EGFR: variants seen among roughly 807,000 people sequenced by gnomAD.
The protein encoded by EGFR is epidermal growth factor receptor.
Under a neutral mutation model 143.0 loss-of-function variants are expected in EGFR, and 58 were observed. That is an observed-to-expected ratio of 0.41 (90% CI 0.33 to 0.50). The LOEUF (loss-of-function observed/expected upper bound fraction) is 0.50. Ranked by LOEUF, EGFR falls within the 20% of genes least tolerant of loss-of-function variation. The probability of loss-of-function intolerance (pLI) is 0.39; values close to 1 mark genes in which losing one functional copy is unlikely to be tolerated. For synonymous variants in EGFR, 613 were observed against 594.4 expected (o/e 1.03, Z -0.45); for missense variants, 1,307 against 1,579.0 (o/e 0.83, Z 2.92).
At position 55,206,000 on chromosome 7, in the gene EGFR, A is replaced by T. The variant is rs1436822158; in HGVS notation, c.*383A>T. On this transcript the variant is annotated 3_prime_UTR_variant, in exon 28 of 28. Transcript: ENST00000275493. ...ACTTCAATGGGCTCTTCCAACAAGGAAGAAGCTTGCTGGTAGCACTTGCTA... is the reference window on the plus strand; with the variant it reads ...ACTTCAATGGGCTCTTCCAACAAGGTAGAAGCTTGCTGGTAGCACTTGCTA... The T allele has an allele frequency of 2.6e-6, 1 of 386,810 alleles. No individual in the cohort carries two copies. Among genetic ancestry groups the T allele is most frequent in the Non-Finnish European group, 4.8e-6 (1 of 210,206 alleles). 24.0% of individuals were successfully genotyped at this position (386,810 alleles called of 1,614,324 possible). A position where few individuals can be genotyped will look rare whatever the true frequency, so the allele number is the denominator to read the frequency against.
At chr7:55,156,456 TC>T in intron 8 of EGFR, 76 bp from the exon 9 acceptor site, 1 of 1,600,428 alleles carries the variant, frequency 6.2e-7, no homozygotes, top group Non-Finnish European at 8.5e-7. Flanking sequence ...CCTTCCTGCT[TC>T]CCTCTGCCTG....
intron 1 of EGFR, among the ~76,000 whole-genome samples, chr7:55,022,704 G>A (rs6954028): frequency 0.017 from 2,650 of 152,310 alleles, 64 homozygotes; most frequent in African/African-American, 0.059. Flanking sequence ...CCACACTGCC[G>A]TAGCACAGAA....
chr7:55,085,605 ACTC>A (rs1196578941), intron 1 of EGFR, among the ~76,000 whole-genome samples: 1 of 152,052 alleles, frequency 6.6e-6, no homozygotes, highest in Non-Finnish European at 1.5e-5. Context: ...CTTTCTGAAA[ACTC>A]CTGCTGAAGT....
In EGFR at chr7:55,166,982, GTGA is replaced by G. The variant is rs1262608062; in HGVS notation, c.1880+1555_1880+1557del. 5.9e-5 allele frequency among the ~76,000 whole-genome samples: 8 copies of G among 135,884 alleles called. 1 individual carries two copies. Among genetic ancestry groups the G allele is most frequent in the African/African-American group, 2.3e-4 (8 of 34,702 alleles). 89.1% of individuals were successfully genotyped at this position (135,884 alleles called of 152,430 possible). ...AGTCACAATGGTGGTGATGAGGGTG[GTGA>G]TGATGATGAGGAGGTGGGAGTCACA... On this transcript the variant is annotated intron_variant, in intron 15 of 27. Coordinates refer to ENST00000275493, the MANE Select transcript of EGFR (RefSeq NM_005228.5).
chr7:55,058,789 C>T (rs1322634683), intron 1 of EGFR, among the ~76,000 whole-genome samples: 1 of 152,066 alleles, frequency 6.6e-6, no homozygotes, highest in African/African-American at 2.4e-5. Context: ...TACTATGACA[C>T]AAGTTTACCT....
chr7:55,205,545 T>TA lies in EGFR; in HGVS notation c.3563dup (p.Ser1190LeufsTer4). On this transcript the variant is annotated frameshift_variant, in exon 28 of 28. Transcript: ENST00000275493. LOFTEE classifies it high-confidence loss of function. ...AGGAAGCCAAGCCAAATGGCATCTTTAAGGGCTCCACAGCTGAAAATGCAG... is the reference window on the plus strand; with the variant it reads ...AGGAAGCCAAGCCAAATGGCATCTTTAAAGGGCTCCACAGCTGAAAATGCAG... The TA allele has an allele frequency of 1.2e-6, 2 of 1,614,178 alleles. No homozygotes were observed. The highest frequency in any genetic ancestry group is 1.7e-6 in the Non-Finnish European group (2 of 1,180,040).
chr7:55,189,425 A>ATCTT (rs1787289795), intron 20 of EGFR, among the ~76,000 whole-genome samples: 1 of 151,598 alleles, frequency 6.6e-6, no homozygotes. Flanking sequence ...CAGTCATTCA[A>ATCTT]TCATTCATTC....
chr7:55,182,664 C>T (rs758838162), intron 20 of EGFR, among the ~76,000 whole-genome samples: 1 of 152,200 alleles, frequency 6.6e-6, no homozygotes, highest in South Asian at 2.1e-4. Flanking sequence ...ACACCCTGCA[C>T]AGCCCCTTTT....
intron 4 of EGFR, among the ~76,000 whole-genome samples, chr7:55,150,649 T>C (rs1451964344): frequency 6.6e-6 from 1 of 152,120 alleles, no homozygotes; most frequent in African/African-American, 2.4e-5. Context: ...TCAATACTGA[T>C]AAAAAGAAAA....
chr7:55,111,610 G>C (rs761257328), intron 1 of EGFR, among the ~76,000 whole-genome samples: 5 of 152,188 alleles, frequency 3.3e-5, no homozygotes, highest in African/African-American at 4.8e-5. Flanking sequence ...TCCTGGACTT[G>C]ATATGTAGCA....
At chr7:55,126,572 G>A (rs1376174802) in intron 1 of EGFR, among the ~76,000 whole-genome samples, 1 of 152,134 alleles carries the variant, frequency 6.6e-6, no homozygotes, top group Middle Eastern at 3.2e-3. Flanking sequence ...GACCATGCCA[G>A]GTGCCCCCAC....
At chr7:55,057,903 A>G (rs1788924365) in intron 1 of EGFR, among the ~76,000 whole-genome samples, 1 of 152,240 alleles carries the variant, frequency 6.6e-6, no homozygotes, top group Admixed American at 6.5e-5. Context: ...TCATCTCACA[A>G]AAGCAACGTG....
At chr7:55,110,210 A>T (rs1391721870) in intron 1 of EGFR, among the ~76,000 whole-genome samples, 1 of 152,224 alleles carries the variant, frequency 6.6e-6, no homozygotes, top group African/African-American at 2.4e-5. Context: ...GACATAGTAG[A>T]TTTAAAACAG....
rs2128971685 is a variant in EGFR at position 55,201,298 on chromosome 7, A to C, written c.3057A>C (p.Pro1019=). 6.2e-7 allele frequency: 1 copy of C among 1,614,102 alleles called. No homozygotes were observed. The highest frequency in any genetic ancestry group is 1.1e-5 in the South Asian group (1 of 91,068). The change falls in exon 25 of 28, where the codon CCA becomes CCC. Residue 1019 remains proline, a synonymous_variant. Transcript: ENST00000275493. ...DVVDADEYLI[P]QQGFFSSPST... ...TGGATGCCGACGAGTACCTCATCCC[A>C]CAGCAGGGCTTCTTCAGCAGCCCCT...
chr7:55,156,383 C>G lies in EGFR; in HGVS notation c.1007-150C>G. On this transcript the variant is annotated intron_variant, in intron 8 of 27. Coordinates refer to ENST00000275493, the MANE Select transcript of EGFR (RefSeq NM_005228.5). ...CTTCCCGCCTGCACTCTCCCCAGCC[C>G]CTTCAGTGTTTGTTGAGTGAATGAA... 2.6e-6 allele frequency: 3 copies of G among 1,157,250 alleles called. No individual in the cohort carries two copies. In the South Asian group the frequency reaches 3.8e-5, roughly 15 times the overall value. The allele number at this position is 1,157,250 out of a possible 1,614,324, so 71.7% of individuals were successfully genotyped here.
Position 55,100,900 on chromosome 7 carries a change from C to G in EGFR, c.89-41386C>G, listed in dbSNP as rs373072671. Among the ~76,000 whole-genome samples the G allele has an allele frequency of 1.8e-3, 271 of 152,354 alleles. 7 individuals are homozygous for G. In the South Asian group the frequency reaches 0.055, roughly 31 times the overall value. The stretch of plus-strand genomic sequence containing the variant: ...AATATGCTCCATTTTTTTGACAGTT[C>G]CAACAATTTTTCTTTAAACTGTCAT... On this transcript the variant is annotated intron_variant, in intron 1 of 27. Coordinates refer to ENST00000275493, the MANE Select transcript of EGFR (RefSeq NM_005228.5).
intron 22 of EGFR, among the ~76,000 whole-genome samples, chr7:55,193,448 G>A (rs1787488146): frequency 2.0e-5 from 3 of 152,118 alleles, no homozygotes; most frequent in African/African-American, 7.2e-5. Flanking sequence ...CACGAGGGCC[G>A]CTCTCCTCAC....
chr7:55,085,987 GC>G (rs1158699255), intron 1 of EGFR, among the ~76,000 whole-genome samples: 18 of 147,274 alleles, frequency 1.2e-4, no homozygotes, highest in African/African-American at 4.4e-4. Context: ...CCCCCTAGAA[GC>G]CCCTCTTCCT....
At chr7:55,101,853 T>C (rs1259730655) in intron 1 of EGFR, among the ~76,000 whole-genome samples, 1 of 152,230 alleles carries the variant, frequency 6.6e-6, no homozygotes, top group Non-Finnish European at 1.5e-5. Context: ...TAGGATTTTC[T>C]AAGGTTGAGC....
Sources: gnomAD v4.1 joint callset for allele counts (sites outside exome capture counted in the v4.1 genomes callset) on GRCh38, gnomAD v4.1.1 for gene constraint, MANE v1.5 for transcripts, NCBI Gene and HGNC (gene_info 2026-07-23, HGNC 2026-07-21) for gene names.